The following ADAMTS19 variants were observed in gnomAD, a reference collection of about 807,000 sequenced individuals.
ADAMTS19 encodes ADAM metallopeptidase with thrombospondin type 1 motif 19.
In ADAMTS19, 93 loss-of-function variants were observed where a neutral mutation model predicts 153.3. The ratio of observed to expected loss-of-function variants is 0.61; its 90% CI spans 0.51 to 0.72. The LOEUF (loss-of-function observed/expected upper bound fraction) is 0.72. Ranked by LOEUF, ADAMTS19 falls within the 30% of genes least tolerant of loss-of-function variation. The pLI, the probability that ADAMTS19 is intolerant of heterozygous loss-of-function variation, is 0.00. For synonymous variants in ADAMTS19, 600 were observed against 556.6 expected, an observed-to-expected ratio of 1.08 and a Z score of -1.10; for missense variants, 1,482 against 1,552.1, an observed-to-expected ratio of 0.95 and a Z score of 0.76.
intron 2 of ADAMTS19, among the ~76,000 whole-genome samples, chr5:129,471,230 G>A (rs547876733): frequency 7.2e-5 from 11 of 152,170 alleles, no homozygotes; most frequent in Middle Eastern, 3.4e-3. Flanking sequence ...GCCTGGGGTG[G>A]TGGCACATAC....
chr5:129,549,558 C>G (rs1394161103), intron 6 of ADAMTS19, among the ~76,000 whole-genome samples: 1 of 151,268 alleles, frequency 6.6e-6, no homozygotes, highest in Non-Finnish European at 1.5e-5. Flanking sequence ...TTGAGATAAA[C>G]AAATCAAAAA....
chr5:129,625,760 T>C (rs1172111160), intron 10 of ADAMTS19, among the ~76,000 whole-genome samples: 1 of 152,144 alleles, frequency 6.6e-6, no homozygotes, highest in Non-Finnish European at 1.5e-5. Context: ...GTCAGATGGG[T>C]AGATTGCAAA....
chr5:129,580,816 G>A (rs968811862), intron 7 of ADAMTS19, among the ~76,000 whole-genome samples: 16 of 152,298 alleles, frequency 1.1e-4, no homozygotes, highest in African/African-American at 3.6e-4. Flanking sequence ...TTTTTGATGT[G>A]CTGCTGGATT....
chr5:129,481,043 GA>G (rs1297469451), intron 2 of ADAMTS19, among the ~76,000 whole-genome samples: 1 of 152,088 alleles, frequency 6.6e-6, no homozygotes, highest in Non-Finnish European at 1.5e-5. Flanking sequence ...CAAAACAAAC[GA>G]AAAGCAACGT....
At chr5:129,611,350 C>T (rs192873176) in intron 8 of ADAMTS19, among the ~76,000 whole-genome samples, 287 of 152,200 alleles carry the variant, frequency 1.9e-3, no homozygotes, top group African/African-American at 6.6e-3. Context: ...GTTTTAGACA[C>T]GAAGTCCTTG....
chr5:129,465,014 T>TC (rs1485887079), intron 2 of ADAMTS19, among the ~76,000 whole-genome samples: 1 of 152,168 alleles, frequency 6.6e-6, no homozygotes, highest in African/African-American at 2.4e-5. Context: ...CACAGGGCCC[T>TC]CAACCTAACT....
chr5:129,666,879 G>A (rs1402172674), intron 16 of ADAMTS19, among the ~76,000 whole-genome samples: 1 of 152,150 alleles, frequency 6.6e-6, no homozygotes, highest in Non-Finnish European at 1.5e-5. Flanking sequence ...AGCTGGAAAG[G>A]AATATAGATA....
At chr5:129,524,531 G>A (rs58792371) in intron 3 of ADAMTS19, among the ~76,000 whole-genome samples, 13,263 of 151,866 alleles carry the variant, frequency 0.087, 1,118 homozygotes, top group African/African-American at 0.22. Context: ...CCTATGGAAT[G>A]GGAGAAAAGT....
At chr5:129,665,254 T>C (rs763996688) in intron 15 of ADAMTS19, among the ~76,000 whole-genome samples, 1 of 150,474 alleles carries the variant, frequency 6.6e-6, no homozygotes, top group African/African-American at 2.4e-5. Context: ...CAATGAGATT[T>C]TTTTGTTTGT....
intron 14 of ADAMTS19, among the ~76,000 whole-genome samples, chr5:129,658,347 A>AAGAAAGAAAGAAAGAGAGAGAGAGAGAG (rs1753666231): frequency 7.8e-5 from 9 of 115,976 alleles, no homozygotes; most frequent in African/African-American, 3.3e-4. Flanking sequence ...GAAAGAAAGA[A>AAGAAAGAAAGAAAGAGAGAGAGAGAGAG]AGAAAGAAAG....
At position 129,528,569 on chromosome 5, in the gene ADAMTS19, G is replaced by T; in HGVS notation, c.1220G>T (p.Cys407Phe). ...HHGEKMLESF[C>F]KWQHEEFGKK... ...GGAGAAAAAATGCTAGAGAGTTTTT[G>T]TAAGTGGCAACATGAAGAATTTGGC... is the stretch of plus-strand genomic sequence containing the variant. The change falls in exon 6 of 23, where the codon TGT (cysteine) becomes TTT (phenylalanine). Residue 407 changes from cysteine to phenylalanine, a missense_variant. Around this residue, in one of 2 missense-constraint regions of ADAMTS19, gnomAD observed 866 missense variants for 827.7 expected, o/e 1.05. Coordinates refer to ENST00000274487, the MANE Select transcript of ADAMTS19 (RefSeq NM_133638.6). The T allele has an allele frequency of 6.2e-7, 1 of 1,602,646 alleles. No individual in the cohort carries two copies. Among genetic ancestry groups the T allele is most frequent in the Non-Finnish European group, 8.5e-7 (1 of 1,175,286 alleles).
At chr5:129,626,550 T>C (rs2126990428) in intron 10 of ADAMTS19, among the ~76,000 whole-genome samples, 1 of 152,198 alleles carries the variant, frequency 6.6e-6, no homozygotes, top group South Asian at 2.1e-4. Context: ...CCAGAAATGT[T>C]CTCCTTTTTA....
intron 21 of ADAMTS19, among the ~76,000 whole-genome samples, chr5:129,709,582 G>T (rs1756342950): frequency 6.6e-6 from 1 of 152,258 alleles, no homozygotes; most frequent in Admixed American, 6.5e-5. Flanking sequence ...AGCTCTTTAA[G>T]TGTGCTTTGC....
At chr5:129,648,752 T>G in intron 12 of ADAMTS19, 46 bp from the exon 13 acceptor site, 1 of 1,540,698 alleles carries the variant, frequency 6.5e-7, no homozygotes, top group Non-Finnish European at 8.9e-7. Context: ...ACCTAGGTAG[T>G]TAACATAAAA....
chr5:129,596,745 T>C, intron 8 of ADAMTS19, 81 bp downstream of exon 8: 1 of 1,047,690 alleles, frequency 9.5e-7, no homozygotes, highest in South Asian at 1.8e-5. Flanking sequence ...GGATATCTTC[T>C]GATTTTTAAT....
chr5:129,685,492 CAAT>C (rs947399339), intron 18 of ADAMTS19, among the ~76,000 whole-genome samples: 1 of 151,892 alleles, frequency 6.6e-6, no homozygotes, highest in Non-Finnish European at 1.5e-5. Flanking sequence ...TGTAGACTGA[CAAT>C]GATTGTTATA....
At chr5:129,495,776 T>C (rs1337270091) in intron 2 of ADAMTS19, among the ~76,000 whole-genome samples, 1 of 152,148 alleles carries the variant, frequency 6.6e-6, no homozygotes, top group Non-Finnish European at 1.5e-5. Context: ...TGCATGGTCA[T>C]GCATGGACAT....
intron 10 of ADAMTS19, among the ~76,000 whole-genome samples, chr5:129,625,068 A>G (rs1289368780): frequency 6.8e-6 from 1 of 146,840 alleles, no homozygotes; most frequent in African/African-American, 2.5e-5. Context: ...ATTTCGACCT[A>G]TGAGTGAGAA....
intron 2 of ADAMTS19, among the ~76,000 whole-genome samples, chr5:129,473,491 A>T (rs1010909662): frequency 6.6e-6 from 1 of 152,160 alleles, no homozygotes; most frequent in African/African-American, 2.4e-5. Context: ...ATAGAACTTT[A>T]AACTTTTATT....
Sources: gnomAD v4.1 joint callset for allele counts (sites outside exome capture counted in the v4.1 genomes callset) on GRCh38, gnomAD v4.1.1 for gene constraint, gnomAD v4.1.1 regional missense constraint, MANE v1.5 for transcripts, NCBI Gene and HGNC (gene_info 2026-07-23, HGNC 2026-07-21) for gene names.